The following MAMLD1 variants were observed in gnomAD, a reference collection of about 807,000 sequenced individuals.
MAMLD1 encodes mastermind-like domain-containing protein 1.
A neutral mutation model predicts 45.0 loss-of-function variants in MAMLD1; 14 were observed. The ratio of observed to expected loss-of-function variants is 0.31; its 90% CI spans 0.21 to 0.49. The LOEUF (loss-of-function observed/expected upper bound fraction) is 0.49. Ranked by LOEUF, MAMLD1 falls within the 20% of genes least tolerant of loss-of-function variation. The probability of loss-of-function intolerance (pLI) is 0.99; values close to 1 mark genes in which losing one functional copy is unlikely to be tolerated. For missense variants in MAMLD1, 543 were observed against 603.6 expected (o/e 0.90, Z 1.05); for synonymous variants, 254 against 247.8 (o/e 1.02, Z -0.24).
At chrX:150,504,644 G>A (rs966427124) in intron 6 of MAMLD1, 2 of 676,819 alleles carry the variant, frequency 3.0e-6, no homozygotes, top group African/African-American at 4.8e-5. Flanking sequence ...ACCCTGGTCT[G>A]CCTTGCCTTT....
chrX:150,398,357 A>G (rs782771620), intron 1 of MAMLD1, among the ~76,000 whole-genome samples: 2 of 109,006 alleles, frequency 1.8e-5, no homozygotes, highest in African/African-American at 6.8e-5. Flanking sequence ...GAGGAAGAGG[A>G]AGAGGAAGAG....
At chrX:150,379,468 C>G (rs371373586) in intron 1 of MAMLD1, among the ~76,000 whole-genome samples, 11 of 111,966 alleles carry the variant, frequency 9.8e-5, no homozygotes, top group Admixed American at 5.7e-4. Context: ...CCACTGAGGT[C>G]ATTTGAATAT....
At chrX:150,448,237 A>G (rs782588884) in intron 2 of MAMLD1, among the ~76,000 whole-genome samples, 1 of 112,081 alleles carries the variant, frequency 8.9e-6, no homozygotes, top group African/African-American at 3.2e-5. Context: ...GAAAAGTAAG[A>G]ATAACCACCT....
At chrX:150,389,357 C>A (rs1028038979) in intron 1 of MAMLD1, among the ~76,000 whole-genome samples, 4 of 112,003 alleles carry the variant, frequency 3.6e-5, no homozygotes, top group African/African-American at 9.7e-5. Context: ...CATTTCAATG[C>A]ATTTTTAAAT....
At chrX:150,460,630 TA>T (rs1245504545) in intron 2 of MAMLD1, among the ~76,000 whole-genome samples, 6 of 111,423 alleles carry the variant, frequency 5.4e-5, no homozygotes, top group Non-Finnish European at 5.7e-5. Context: ...TAAGAAGAGA[TA>T]TTGCTACTGC....
intron 5 of MAMLD1, among the ~76,000 whole-genome samples, chrX:150,484,567 C>G (rs2036925648): frequency 8.9e-6 from 1 of 112,538 alleles, no homozygotes; most frequent in Admixed American, 9.4e-5. Flanking sequence ...TAGATCTATT[C>G]TGCCCAGCTT....
At chrX:150,392,656 T>C (rs1280432264) in intron 1 of MAMLD1, among the ~76,000 whole-genome samples, 1 of 110,027 alleles carries the variant, frequency 9.1e-6, no homozygotes, top group Non-Finnish European at 1.9e-5. Context: ...AGAGGGATGG[T>C]TTTTCTGTTG....
chrX:150,512,341 C>A lies in MAMLD1; in HGVS notation c.*382C>A, dbSNP rs2037925212. On this transcript the variant is annotated 3_prime_UTR_variant, in exon 8 of 8. Coordinates refer to ENST00000370401, the MANE Select transcript of MAMLD1 (RefSeq NM_005491.5). ...CTGGGTTCTGTCCCAGCTCCCTGGG[C>A]ACCCAGTCCTTGAGTCCCCACCAGC... 1 of 1,133,295 alleles carries A rather than the reference C, an allele frequency of 8.8e-7. No individual in the cohort carries two copies. Among genetic ancestry groups the A allele is most frequent in the Non-Finnish European group, 1.2e-6 (1 of 859,052 alleles). 93.4% of individuals were successfully genotyped at this position (1,133,295 alleles called of 1,213,427 possible).
intron 1 of MAMLD1, among the ~76,000 whole-genome samples, chrX:150,416,494 C>T (rs1284149220): frequency 1.8e-5 from 2 of 112,091 alleles, no homozygotes; most frequent in Non-Finnish European, 3.8e-5. Context: ...GCAAAACACT[C>T]GTCTTGTCTA....
intron 1 of MAMLD1, among the ~76,000 whole-genome samples, chrX:150,412,036 T>C (rs1430650846): frequency 8.9e-6 from 1 of 112,278 alleles, no homozygotes; most frequent in Non-Finnish European, 1.9e-5. Flanking sequence ...AAAACTAAAA[T>C]GGTGTTTGTG....
chrX:150,504,492 G>A, intron 6 of MAMLD1: 1 of 656,007 alleles, frequency 1.5e-6, no homozygotes, highest in Non-Finnish European at 1.8e-6. Context: ...AAGGGCTATT[G>A]ATTTCTCTCT....
intron 2 of MAMLD1, among the ~76,000 whole-genome samples, chrX:150,454,487 A>G (rs2124617066): frequency 8.9e-6 from 1 of 112,262 alleles, no homozygotes; most frequent in African/African-American, 3.2e-5. Flanking sequence ...CAGCATATTA[A>G]CAAACAAAAA....
intron 1 of MAMLD1, among the ~76,000 whole-genome samples, chrX:150,372,920 G>A (rs2032099532): frequency 8.9e-6 from 1 of 111,777 alleles, no homozygotes; most frequent in Admixed American, 9.4e-5. Context: ...TGGCTGGGGT[G>A]TTAGTTTTGG....
chrX:150,394,129 CTTTT>C lies in MAMLD1; in HGVS notation c.-64+30621_-64+30624del, dbSNP rs781904160. 1.1e-3 allele frequency among the ~76,000 whole-genome samples: 13 copies of C among 12,265 alleles called. No individual in the cohort carries two copies. In the South Asian group the frequency reaches 0.046, roughly 44 times the overall value. 10.7% of individuals were successfully genotyped at this position (12,265 alleles called of 115,157 possible). On this transcript the variant is annotated intron_variant, in intron 1 of 7. Transcript: ENST00000370401. ...GGGGTGTAAGGTCTATATCTACATC[CTTTT>C]TTTTTTTTTTTTTTTTTTTTTGCTT...
chrX:150,396,045 C>T (rs1012466342), intron 1 of MAMLD1, among the ~76,000 whole-genome samples: 25 of 106,577 alleles, frequency 2.3e-4, no homozygotes, highest in African/African-American at 7.2e-4. Context: ...TGCAATGGTG[C>T]GATCATAGCT....
chrX:150,370,863 C>T (rs1291093994), intron 1 of MAMLD1, among the ~76,000 whole-genome samples: 1 of 112,143 alleles, frequency 8.9e-6, no homozygotes, highest in Non-Finnish European at 1.9e-5. Flanking sequence ...GCCTCCCTGG[C>T]TGTAGGCACT....
intron 5 of MAMLD1, among the ~76,000 whole-genome samples, chrX:150,480,595 T>C (rs2036722495): frequency 8.9e-6 from 1 of 111,805 alleles, no homozygotes; most frequent in Non-Finnish European, 1.9e-5. Flanking sequence ...AGCAACAGTT[T>C]CTAAGATAGA....
chrX:150,421,849 G>C (rs1249819733), intron 1 of MAMLD1, among the ~76,000 whole-genome samples: 1 of 112,145 alleles, frequency 8.9e-6, no homozygotes, highest in African/African-American at 3.2e-5. Flanking sequence ...GTTTAATGTG[G>C]AAAGAAGGGA....
chrX:150,509,106 G>A (rs1366892757), intron 6 of MAMLD1, among the ~76,000 whole-genome samples: 1 of 111,561 alleles, frequency 9.0e-6, no homozygotes, highest in Non-Finnish European at 1.9e-5. Context: ...AACTTGGCTC[G>A]CTCCTCCCCC....
Sources: gnomAD v4.1 joint callset for allele counts (sites outside exome capture counted in the v4.1 genomes callset) on GRCh38, gnomAD v4.1.1 for gene constraint, MANE v1.5 for transcripts, NCBI Gene and HGNC (gene_info 2026-07-23, HGNC 2026-07-21) for gene names.